The following TEX11 variants were observed in gnomAD, a reference collection of about 807,000 sequenced individuals.
The protein encoded by TEX11 is testis-expressed protein 11.
A neutral mutation model predicts 84.4 loss-of-function variants in TEX11; 7 were observed. The observed-to-expected ratio is 0.08, with a 90% CI of 0.05 to 0.16. TEX11 has a LOEUF of 0.16. Ranked by LOEUF, TEX11 falls within the 10% of genes least tolerant of loss-of-function variation. The pLI is 1.00. For synonymous variants in TEX11, 264 were observed against 222.8 expected (o/e 1.18, Z -1.64); for missense variants, 551 against 660.5 (o/e 0.83, Z 1.82).
intron 9 of TEX11, among the ~76,000 whole-genome samples, chrX:70,749,290 G>A (rs1467846668): frequency 9.3e-6 from 1 of 107,459 alleles, no homozygotes; most frequent in African/African-American, 3.4e-5. Flanking sequence ...AGACTTTGCT[G>A]AAGTTGCTTA....
rs978589707 is a variant in TEX11 at position 70,617,409 on chromosome X, T to C, written c.1751+6541A>G. Among the ~76,000 whole-genome samples, 4 of 106,571 alleles carry C rather than the reference T, an allele frequency of 3.8e-5. No homozygotes were observed. In the South Asian group the frequency reaches 1.5e-3, roughly 41 times the overall value. The allele number at this position is 106,571 out of a possible 115,157, so 92.5% of individuals were successfully genotyped here. ...ATATTATATATAATACATATACACA[T>C]ATATGTATATACACATATATAATAC... On this transcript the variant is annotated intron_variant, in intron 20 of 29. Transcript: ENST00000374333.
rs778942399 is a variant in TEX11 at position 70,852,786 on chromosome X, G to A, written c.525+248C>T. Reference sequence around the variant, plus strand: ...GGATTGCTGCCATAAATAAATGACAGATGTTACATGCAGGGGGTGAAAATG... The same window carrying A: ...GGATTGCTGCCATAAATAAATGACAAATGTTACATGCAGGGGGTGAAAATG... On this transcript the variant is annotated intron_variant, in intron 7 of 29. Transcript: ENST00000374333. Among the ~76,000 whole-genome samples the A allele has an allele frequency of 5.4e-5, 6 of 111,484 alleles. No homozygotes were observed. In the South Asian group the frequency reaches 2.3e-3, roughly 43 times the overall value.
chrX:70,867,568 C>A (rs1194277045), intron 4 of TEX11, among the ~76,000 whole-genome samples: 1 of 111,619 alleles, frequency 9.0e-6, no homozygotes, highest in African/African-American at 3.2e-5. Context: ...GTAGCCAAGA[C>A]AATCCTAAGC....
intron 17 of TEX11, among the ~76,000 whole-genome samples, chrX:70,644,889 A>G (rs1485315503): frequency 9.5e-6 from 1 of 105,715 alleles, no homozygotes; most frequent in Non-Finnish European, 1.9e-5. Flanking sequence ...AACCTGCACA[A>G]TGTGCACATG....
chrX:70,821,053 AG>A (rs1328588349), intron 8 of TEX11, among the ~76,000 whole-genome samples: 1 of 111,949 alleles, frequency 8.9e-6, no homozygotes, highest in Non-Finnish European at 1.9e-5. Context: ...CCCCATCAAC[AG>A]AGTGAAAAAG....
At chrX:70,610,570 C>T in intron 20 of TEX11, 27 bp from the exon 21 acceptor site, 1 of 1,174,504 alleles carries the variant, frequency 8.5e-7, no homozygotes, top group Non-Finnish European at 1.2e-6. Context: ...GGATATTTTC[C>T]AACTGCTCCA....
intron 9 of TEX11, among the ~76,000 whole-genome samples, chrX:70,789,205 G>A (rs2091103659): frequency 9.4e-6 from 1 of 106,256 alleles, no homozygotes; most frequent in African/African-American, 3.4e-5. Context: ...GGCAAGAAAA[G>A]TGAATACACA....
At chrX:70,522,030 T>C in the TEX11 span, among the ~76,000 whole-genome samples, 1 of 111,137 alleles carries the variant, frequency 9.0e-6, no homozygotes, top group Non-Finnish European at 1.9e-5. Flanking sequence ...GGCTAAGTTT[T>C]GTATTTTGTT....
At chrX:70,678,997 G>A (rs2090102767) in intron 14 of TEX11, 108 bp from the exon 15 acceptor site, 3 of 616,233 alleles carry the variant, frequency 4.9e-6, no homozygotes, top group Admixed American at 7.3e-5. Context: ...CTCTCTCCAC[G>A]GTCTCCCTCT....
intron 7 of TEX11, among the ~76,000 whole-genome samples, chrX:70,840,148 G>A (rs888948935): frequency 3.6e-5 from 4 of 111,083 alleles, no homozygotes; most frequent in African/African-American, 1.3e-4. Flanking sequence ...GATACTCCTC[G>A]AGAAGAGCAA....
At chrX:70,796,063 G>T (rs2091154371) in intron 9 of TEX11, among the ~76,000 whole-genome samples, 2 of 111,477 alleles carry the variant, frequency 1.8e-5, no homozygotes, top group South Asian at 7.6e-4. Context: ...TTCAGGCAGA[G>T]AATTCAAATT....
chrX:70,658,875 A>G (rs908544827), intron 16 of TEX11, among the ~76,000 whole-genome samples: 2 of 112,113 alleles, frequency 1.8e-5, no homozygotes, highest in Non-Finnish European at 3.8e-5. Flanking sequence ...GACCAATGGC[A>G]TATAATAGAG....
intron 28 of TEX11, among the ~76,000 whole-genome samples, chrX:70,534,551 C>A (rs980808979): frequency 1.8e-5 from 2 of 112,027 alleles, no homozygotes; most frequent in Non-Finnish European, 3.8e-5. Context: ...GACTTGCCTA[C>A]GTGTAATACA....
chrX:70,670,480 T>C lies in TEX11; in HGVS notation c.1277A>G (p.Tyr426Cys), dbSNP rs759491904. 1.1e-5 allele frequency: 13 copies of C among 1,204,377 alleles called. No homozygotes were observed. The highest frequency in any genetic ancestry group is 1.5e-5 in the Non-Finnish European group (13 of 893,255). ...QNYTDALQWY[Y>C]YSLRFYSTDE... ...AGTTGAATAAAACCTCAGAGAATAA[T>C]AGTACCATTGTAGGGCATCAGTGTA... The change falls in exon 16 of 30, where the codon TAT becomes TGT. Residue 426 changes from tyrosine to cysteine, a missense_variant. By Grantham distance (194) the Tyr-to-Cys change is radical. Coordinates refer to ENST00000374333, the MANE Select transcript of TEX11 (RefSeq NM_031276.3).
In TEX11 at chrX:70,853,339, G is replaced by C. The variant is rs764400361; in HGVS notation, c.325-11C>G. 1.7e-6 allele frequency: 2 copies of C among 1,150,616 alleles called. No individual in the cohort carries two copies. The highest frequency in any genetic ancestry group is 3.8e-5 in the South Asian group (2 of 52,474). The allele number at this position is 1,150,616 out of a possible 1,213,427, so 94.8% of individuals were successfully genotyped here. On this transcript the variant is annotated splice_polypyrimidine_tract_variant and intron_variant, in intron 5 of 29. Coordinates refer to ENST00000374333, the MANE Select transcript of TEX11 (RefSeq NM_031276.3). Reference sequence around the variant, plus strand: ...TATTCTCATATTCATCTAGAAGAGAGAAATTAGAAAATAATTTTTAAAAAT... The same window carrying C: ...TATTCTCATATTCATCTAGAAGAGACAAATTAGAAAATAATTTTTAAAAAT...
chrX:70,578,726 A>G (rs1314408677), intron 25 of TEX11, among the ~76,000 whole-genome samples: 1 of 103,768 alleles, frequency 9.6e-6, no homozygotes. Context: ...ACTTACATAC[A>G]TATTTTTTTA....
chrX:70,775,614 G>C (rs912554304), intron 9 of TEX11, among the ~76,000 whole-genome samples: 2 of 108,203 alleles, frequency 1.8e-5, no homozygotes, highest in Non-Finnish European at 3.8e-5. Flanking sequence ...AGCCTGCCCA[G>C]CACGGTGAAA....
chrX:70,548,039 A>T (rs2088158086), intron 28 of TEX11, among the ~76,000 whole-genome samples: 1 of 111,979 alleles, frequency 8.9e-6, no homozygotes, highest in African/African-American at 3.2e-5. Flanking sequence ...GCAATGATAG[A>T]CTGGATTAAG....
intron 9 of TEX11, among the ~76,000 whole-genome samples, chrX:70,771,988 C>T (rs970048791): frequency 3.6e-5 from 4 of 111,885 alleles, no homozygotes; most frequent in Admixed American, 2.9e-4. Flanking sequence ...GATCAGTCCT[C>T]ATGGCACGAA....
Sources: allele counts gnomAD v4.1 joint callset (sites outside exome capture counted in the v4.1 genomes callset), GRCh38; gene constraint gnomAD v4.1.1; transcripts MANE v1.5; gene names NCBI Gene and HGNC (gene_info 2026-07-23, HGNC 2026-07-21).